The following PRKCH variants were observed in gnomAD, a reference collection of about 807,000 sequenced individuals.
PRKCH encodes the protein protein kinase C eta.
Under a neutral mutation model 82.5 loss-of-function variants are expected in PRKCH, and 28 were observed. The observed-to-expected ratio is 0.34, with a 90% CI of 0.25 to 0.47. PRKCH has a LOEUF of 0.47. Ranked by LOEUF, PRKCH falls within the 20% of genes least tolerant of loss-of-function variation. The pLI is 1.00. For synonymous variants in PRKCH, 322 were observed against 327.4 expected, an observed-to-expected ratio of 0.98 and a Z score of 0.18; for missense variants, 705 against 881.8, an observed-to-expected ratio of 0.80 and a Z score of 2.54.
At chr14:61,235,537 T>C (rs898510796) in intron 1 of PRKCH, among the ~76,000 whole-genome samples, 6 of 152,172 alleles carry the variant, frequency 3.9e-5, no homozygotes, top group Non-Finnish European at 4.4e-5. Flanking sequence ...GCCCAATTAA[T>C]AGTGATTGAA....
intron 2 of PRKCH, among the ~76,000 whole-genome samples, chr14:61,425,174 C>A (rs768734676): frequency 6.6e-6 from 1 of 152,236 alleles, no homozygotes; most frequent in Non-Finnish European, 1.5e-5. Context: ...CACACAGAGA[C>A]CCCACCGTGG....
At chr14:61,372,834 A>G (rs1477124042) in intron 1 of PRKCH, among the ~76,000 whole-genome samples, 8 of 152,052 alleles carry the variant, frequency 5.3e-5, no homozygotes, top group South Asian at 4.1e-4. Flanking sequence ...ATAAAGTTCT[A>G]TGGGTTTTAA....
chr14:61,353,920 G>C (rs1392456760), intron 1 of PRKCH: 2 of 152,148 alleles, frequency 1.3e-5, no homozygotes, highest in African/African-American at 4.8e-5. Flanking sequence ...AGGAGCAACA[G>C]AGTGAGACCC....
intron 10 of PRKCH, among the ~76,000 whole-genome samples, chr14:61,498,516 A>T (rs1162196835): frequency 6.6e-6 from 1 of 152,192 alleles, no homozygotes; most frequent in Non-Finnish European, 1.5e-5. Context: ...CTGCTGCCAT[A>T]ATAAATACCA....
rs1014008128 is a variant in PRKCH, at chr14:61,209,144, G to A, written c.-19+21476G>A. Among the ~76,000 whole-genome samples, 5 of 151,750 alleles carry A rather than the reference G, an allele frequency of 3.3e-5. No individual in the cohort carries two copies. In the South Asian group the frequency reaches 6.3e-4, roughly 19 times the overall value. On this transcript the variant is annotated intron_variant, in intron 1 of 3. Coordinates refer to the PRKCH transcript ENST00000555185. ...ATGCTCTCTTGCCCTTCCATCTTCC[G>A]CCATGGGATGATGTAGCCCAAAGGC...
chr14:61,353,526 C>A (rs141131980), intron 1 of PRKCH: 1 of 152,068 alleles, frequency 6.6e-6, no homozygotes, highest in African/African-American at 2.4e-5. Flanking sequence ...AATATGTGAT[C>A]GTAATTAAAA....
intron 9 of PRKCH, among the ~76,000 whole-genome samples, chr14:61,466,716 A>G (rs925350184): frequency 6.6e-6 from 1 of 152,124 alleles, no homozygotes; most frequent in East Asian, 1.9e-4. Flanking sequence ...TGTTTTGGGA[A>G]TGCCTTAAGT....
intron 10 of PRKCH, among the ~76,000 whole-genome samples, chr14:61,512,093 A>G (rs1404413268): frequency 6.6e-6 from 1 of 152,036 alleles, no homozygotes; most frequent in Non-Finnish European, 1.5e-5. Context: ...CTAATGGGAA[A>G]ATATATCACT....
At position 61,196,340 on chromosome 14, in the gene PRKCH, A is replaced by C. The variant is rs113745954; in HGVS notation, c.-19+8672A>C. Among the ~76,000 whole-genome samples the C allele has an allele frequency of 3.8e-3, 585 of 152,306 alleles. 4 individuals are homozygous for C. The highest frequency in any genetic ancestry group is 0.013 in the African/African-American group (552 of 41,562). On this transcript the variant is annotated intron_variant, in intron 1 of 3. Transcript: ENST00000555185. Reference sequence around the variant, plus strand: ...TGAAGGGACAGCTGTACCAAGAGACAATGGATTGATAATGGCCCAGTTTCC... The same window carrying C: ...TGAAGGGACAGCTGTACCAAGAGACCATGGATTGATAATGGCCCAGTTTCC...
chr14:61,454,741 C>T (rs929641378), intron 7 of PRKCH, among the ~76,000 whole-genome samples: 2 of 152,218 alleles, frequency 1.3e-5, no homozygotes, highest in African/African-American at 2.4e-5. Flanking sequence ...CCTGAATGAC[C>T]TCCACCTGCT....
intron 9 of PRKCH, among the ~76,000 whole-genome samples, chr14:61,459,038 G>GC (rs1259113654): frequency 6.6e-6 from 1 of 152,198 alleles, no homozygotes; most frequent in African/African-American, 2.4e-5. Context: ...CCTTGATTCA[G>GC]CCCCTGGAGC....
At chr14:61,453,173 A>T in intron 6 of PRKCH, 53 bp from the exon 7 acceptor site, 1 of 1,606,914 alleles carries the variant, frequency 6.2e-7, no homozygotes, top group Non-Finnish European at 8.5e-7. Flanking sequence ...GTTGCAGCAC[A>T]TGTTGAATTG....
At chr14:61,451,970 C>T (rs1047657513) in intron 6 of PRKCH, among the ~76,000 whole-genome samples, 2 of 152,150 alleles carry the variant, frequency 1.3e-5, no homozygotes, top group African/African-American at 4.8e-5. Flanking sequence ...ACTTGTAGGG[C>T]GTTGGTCCAG....
Position 61,280,198 on chromosome 14 carries a change from A to C in PRKCH, c.-19+92530A>C. ...GCCGACGACCAGGTAGGCGATGCCC[A>C]GGAAGGGGTTCTTGCCACCCATCCA... is the stretch of plus-strand genomic sequence containing the variant. On this transcript the variant is annotated intron_variant, in intron 1 of 3. Transcript: ENST00000555185. This position sits in a 1 kb window ranked among gnomAD's most constrained non-coding sequence, Gnocchi z 5.0. 6.2e-7 allele frequency: 1 copy of C among 1,613,840 alleles called. No individual in the cohort carries two copies. Among genetic ancestry groups the C allele is most frequent in the Non-Finnish European group, 8.5e-7 (1 of 1,179,830 alleles).
chr14:61,449,048 A>G, intron 4 of PRKCH, 116 bp from the exon 5 acceptor site: 1 of 870,100 alleles, frequency 1.1e-6, no homozygotes, highest in East Asian at 2.6e-5. Context: ...AGCTGCTGTC[A>G]AGGGGGCCAG....
At chr14:61,469,514 G>C (rs8010419) in intron 9 of PRKCH, among the ~76,000 whole-genome samples, 20,473 of 152,194 alleles carry the variant, frequency 0.13, 2,981 homozygotes, top group African/African-American at 0.37. Context: ...GCTGGGTTGA[G>C]TCCTGCTGTG....
rs560117921 is a variant in PRKCH, at chr14:61,513,554, T to C, written c.1434-15521T>C. Among the ~76,000 whole-genome samples the C allele has an allele frequency of 1.9e-3, 286 of 152,302 alleles. 2 individuals carry two copies. Among genetic ancestry groups the C allele is most frequent in the Middle Eastern group, 0.014 (4 of 294 alleles). On this transcript the variant is annotated intron_variant, in intron 10 of 13. Coordinates refer to ENST00000332981, the MANE Select transcript of PRKCH (RefSeq NM_006255.5). Reference sequence around the variant, plus strand: ...CCATTTATCTGTGGTGATAAATCAATGTGTTTTAATTTTTCCTTTTTCAGT... The same window carrying C: ...CCATTTATCTGTGGTGATAAATCAACGTGTTTTAATTTTTCCTTTTTCAGT...
chr14:61,377,976 T>C (rs998581070), intron 1 of PRKCH, among the ~76,000 whole-genome samples: 1 of 152,196 alleles, frequency 6.6e-6, no homozygotes, highest in Non-Finnish European at 1.5e-5. Context: ...TGTAGCTCTT[T>C]CTGTGTTTTG....
At chr14:61,273,554 A>G (rs2045176702) in intron 1 of PRKCH, among the ~76,000 whole-genome samples, 2 of 152,252 alleles carry the variant, frequency 1.3e-5, no homozygotes, top group Non-Finnish European at 2.9e-5. Flanking sequence ...AAATACATTG[A>G]TTACTTTTGA....
Sources: gnomAD v4.1 joint callset for allele counts (sites outside exome capture counted in the v4.1 genomes callset) on GRCh38, gnomAD v4.1.1 for gene constraint, Gnocchi (gnomAD v3.1) non-coding constraint, MANE v1.5 for transcripts, NCBI Gene and HGNC (gene_info 2026-07-23, HGNC 2026-07-21) for gene names.